The following RASAL2 variants were observed in gnomAD, a reference collection of about 807,000 sequenced individuals.
The protein encoded by RASAL2 is RAS protein activator like 2.
RASAL2 carries 58 observed loss-of-function variants against 128.9 expected under a neutral mutation model. The ratio of observed to expected loss-of-function variants is 0.45; its 90% confidence interval spans 0.36 to 0.56. RASAL2 has a LOEUF of 0.56. RASAL2 is among the 20% of genes least tolerant of loss of function. RASAL2 has a pLI of 0.00. For synonymous variants in RASAL2, 561 were observed against 580.8 expected, an observed-to-expected ratio of 0.97 and a Z score of 0.49; for missense variants, 1,360 against 1,601.6, an observed-to-expected ratio of 0.85 and a Z score of 2.57.
At chr1:178,373,546 A>G (rs1468578693) in intron 3 of RASAL2, among the ~76,000 whole-genome samples, 4 of 152,020 alleles carry the variant, frequency 2.6e-5, no homozygotes, top group Admixed American at 2.0e-4. Flanking sequence ...ATCCCTAAGT[A>G]AAACCAATCA....
chr1:178,292,857 T>C (rs1667341764), intron 2 of RASAL2, among the ~76,000 whole-genome samples: 1 of 152,242 alleles, frequency 6.6e-6, no homozygotes, highest in South Asian at 2.1e-4. Flanking sequence ...TTTTTCTTAA[T>C]GCAAACTCTA....
intron 1 of RASAL2, among the ~76,000 whole-genome samples, chr1:178,156,931 A>T (rs1661104750): frequency 1.3e-5 from 2 of 152,122 alleles, no homozygotes. Context: ...GAGTGCCCAG[A>T]TCAATAATGT....
intron 14 of RASAL2, among the ~76,000 whole-genome samples, chr1:178,459,314 AACT>A (rs1190126486): frequency 1.3e-5 from 2 of 151,922 alleles, no homozygotes; most frequent in Non-Finnish European, 2.9e-5. Context: ...CTTTGAAACA[AACT>A]ACTGTTAAAT....
At chr1:178,419,912 G>A (rs969088193) in intron 4 of RASAL2, among the ~76,000 whole-genome samples, 1 of 152,144 alleles carries the variant, frequency 6.6e-6, no homozygotes, top group Admixed American at 6.6e-5. Flanking sequence ...ATTTTACAAT[G>A]CCATATCCAA....
intron 3 of RASAL2, 85 bp from the exon 4 acceptor site, chr1:178,390,015 T>C: frequency 1.2e-6 from 1 of 831,284 alleles, no homozygotes; most frequent in Non-Finnish European, 1.9e-6. Flanking sequence ...TGGTTTATTG[T>C]GAAAAACCAG....
chr1:178,190,120 G>A (rs1662442042), intron 1 of RASAL2, among the ~76,000 whole-genome samples: 1 of 152,042 alleles, frequency 6.6e-6, no homozygotes, highest in African/African-American at 2.4e-5. Flanking sequence ...AGAATTATCT[G>A]GTCTAAAATG....
intron 1 of RASAL2, among the ~76,000 whole-genome samples, chr1:178,269,316 G>A (rs913852742): frequency 9.2e-5 from 14 of 152,160 alleles, no homozygotes; most frequent in Admixed American, 4.6e-4. Flanking sequence ...AACTCACACC[G>A]TCTATAATAT....
At chr1:178,123,374 A>T (rs1659783254) in intron 1 of RASAL2, among the ~76,000 whole-genome samples, 1 of 152,228 alleles carries the variant, frequency 6.6e-6, no homozygotes, top group African/African-American at 2.4e-5. Context: ...TAATTATAGC[A>T]TTCATTTCAT....
At chr1:178,114,060 G>A (rs1659438596) in intron 1 of RASAL2, among the ~76,000 whole-genome samples, 1 of 149,720 alleles carries the variant, frequency 6.7e-6, no homozygotes, top group South Asian at 2.1e-4. Flanking sequence ...ATTATTTCTA[G>A]TGTTTTTTTT....
chr1:178,246,709 T>A (rs6425467), intron 1 of RASAL2, among the ~76,000 whole-genome samples: 13,269 of 152,216 alleles, frequency 0.087, 616 homozygotes, highest in Middle Eastern at 0.14. Flanking sequence ...GGGTTTGTCA[T>A]AAATAGCTCT....
chr1:178,389,200 G>A (rs2102600500), intron 3 of RASAL2: 1 of 846,262 alleles, frequency 1.2e-6, no homozygotes, highest in South Asian at 5.4e-5. Context: ...TTTTTAGGAT[G>A]TGGCTTTTTT....
intron 6 of RASAL2, 130 bp from the exon 7 acceptor site, chr1:178,441,419 C>T: frequency 5.2e-6 from 3 of 572,494 alleles, no homozygotes; most frequent in Non-Finnish European, 3.1e-6. Context: ...CTTATCTATC[C>T]ATCCATCCAT....
Position 178,300,087 on chromosome 1 carries a change from C to T in RASAL2, c.426C>T (p.Pro142=), listed in dbSNP as rs778917456. The part of the protein sequence containing the change: ...TVSVPSEGQF[P]EYPPEGATKL... ...GTGTCCCTTCCGAGGGTCAGTTTCCCGAGTACCCACCAGAGGGCGCCACTA... is the reference window on the plus strand; with the variant it reads ...GTGTCCCTTCCGAGGGTCAGTTTCCTGAGTACCCACCAGAGGGCGCCACTA... The change falls in exon 3 of 18, where the codon CCC becomes CCT. Residue 142 remains proline, a synonymous_variant. Coordinates refer to ENST00000367649, the MANE Select transcript of RASAL2 (RefSeq NM_170692.4). 22 of 1,613,566 alleles carry T rather than the reference C, an allele frequency of 1.4e-5. No individual in the cohort carries two copies. Among genetic ancestry groups the T allele is most frequent in the Non-Finnish European group, 1.7e-5 (20 of 1,179,830 alleles).
At chr1:178,164,370 T>A (rs1661438189) in intron 1 of RASAL2, among the ~76,000 whole-genome samples, 1 of 152,160 alleles carries the variant, frequency 6.6e-6, no homozygotes, top group South Asian at 2.1e-4. Flanking sequence ...TCTTTTCTAA[T>A]TCCTATTATT....
chr1:178,207,066 A>G (rs1411204163), intron 1 of RASAL2, among the ~76,000 whole-genome samples: 2 of 151,632 alleles, frequency 1.3e-5, no homozygotes, highest in Non-Finnish European at 2.9e-5. Flanking sequence ...CCTGTAGTCC[A>G]AGCTACTCGG....
At chr1:178,380,631 T>TAAGATAATA (rs1234128915) in intron 3 of RASAL2, among the ~76,000 whole-genome samples, 1 of 152,208 alleles carries the variant, frequency 6.6e-6, no homozygotes, top group Non-Finnish European at 1.5e-5. Flanking sequence ...TTTTAGTTGT[T>TAAGATAATA]AAAATATATT....
chr1:178,208,826 G>A (rs1023782752), intron 1 of RASAL2, among the ~76,000 whole-genome samples: 4 of 152,100 alleles, frequency 2.6e-5, no homozygotes, highest in Admixed American at 1.3e-4. Flanking sequence ...CTGTCCTACC[G>A]ATATGTGATG....
chr1:178,270,960 T>TCTTA (rs1025623032), intron 1 of RASAL2, among the ~76,000 whole-genome samples: 1 of 152,194 alleles, frequency 6.6e-6, no homozygotes, highest in Non-Finnish European at 1.5e-5. Context: ...GAAGCTCATG[T>TCTTA]CTTAACATGT....
chr1:178,185,507 A>AT (rs754934001), intron 1 of RASAL2, among the ~76,000 whole-genome samples: 1,551 of 145,480 alleles, frequency 0.011, 14 homozygotes, highest in African/African-American at 0.026. Flanking sequence ...GGTTTTTTAA[A>AT]TTTTTTTTTT....
Sources: allele counts gnomAD v4.1 joint callset (sites outside exome capture counted in the v4.1 genomes callset), GRCh38; gene constraint gnomAD v4.1.1; transcripts MANE v1.5; gene names NCBI Gene and HGNC (gene_info 2026-07-23, HGNC 2026-07-21).